Variants in ZDHHC5 observed in about 807,000 individuals in gnomAD.
ZDHHC5 encodes palmitoyltransferase ZDHHC5.
Under a neutral mutation model 70.0 loss-of-function variants are expected in ZDHHC5, and 22 were observed. The observed-to-expected ratio is 0.31, with a 90% confidence interval of 0.22 to 0.45. ZDHHC5 has a LOEUF of 0.45. Among genes scored for constraint, ZDHHC5 ranks in the 20% least tolerant of loss-of-function variants. The probability of loss-of-function intolerance (pLI) is 1.00; values close to 1 mark genes in which losing one functional copy is unlikely to be tolerated. For synonymous variants in ZDHHC5, 313 were observed against 347.8 expected, an observed-to-expected ratio of 0.90 and a Z score of 1.11; for missense variants, 746 against 926.9, an observed-to-expected ratio of 0.80 and a Z score of 2.53.
At chr11:57,669,818 A>G (rs1198014131) in intron 1 of ZDHHC5, among the ~76,000 whole-genome samples, 1 of 152,206 alleles carries the variant, frequency 6.6e-6, no homozygotes, top group African/African-American at 2.4e-5. Context: ...GTTGACTCTG[A>G]TGAACCATAC....
chr11:57,679,714 G>A (rs1242314648), intron 2 of ZDHHC5, among the ~76,000 whole-genome samples: 1 of 152,036 alleles, frequency 6.6e-6, no homozygotes, highest in Non-Finnish European at 1.5e-5. Context: ...CAGGCCACTT[G>A]GGGTGGTCAC....
intron 3 of ZDHHC5, among the ~76,000 whole-genome samples, chr11:57,687,480 A>C (rs1946221924): frequency 6.6e-6 from 1 of 152,058 alleles, no homozygotes; most frequent in Admixed American, 6.6e-5. Flanking sequence ...CTGAGACAGA[A>C]GTATCACTTG....
intron 10 of ZDHHC5, 111 bp downstream of exon 10, chr11:57,696,984 C>T (rs1946361223): frequency 5.5e-6 from 6 of 1,099,424 alleles, no homozygotes; most frequent in Admixed American, 4.0e-5. Flanking sequence ...ATCACAAGGT[C>T]AAGAGATTGA....
chr11:57,700,142 C>A lies in ZDHHC5; in HGVS notation c.*111C>A. On this transcript the variant is annotated 3_prime_UTR_variant, in exon 12 of 12. Coordinates refer to ENST00000287169, the MANE Select transcript of ZDHHC5 (RefSeq NM_015457.3). ...CTCCCGTGCATGGACATTTTTTAAA[C>A]CACCGATTCCAAGAGGATGAGGAGT... is the stretch of plus-strand genomic sequence containing the variant. The A allele has an allele frequency of 7.5e-7, 1 of 1,338,414 alleles. No individual in the cohort carries two copies. Among genetic ancestry groups the A allele is most frequent in the Non-Finnish European group, 1.0e-6 (1 of 1,003,802 alleles). The allele number at this position is 1,338,414 out of a possible 1,614,324, so 82.9% of individuals were successfully genotyped here.
At chr11:57,696,723 C>G in intron 9 of ZDHHC5, 38 bp from the exon 10 acceptor site, 1 of 1,594,472 alleles carries the variant, frequency 6.3e-7, no homozygotes, top group Non-Finnish European at 8.6e-7. Context: ...CAAAAAACCG[C>G]TTGTAAAATA....
intron 4 of ZDHHC5, among the ~76,000 whole-genome samples, chr11:57,689,255 C>T (rs1447666865): frequency 6.6e-6 from 1 of 152,206 alleles, no homozygotes; most frequent in Non-Finnish European, 1.5e-5. Context: ...AATCTTCCTT[C>T]TAATCCTCTT....
chr11:57,695,297 G>A (rs1304055909), intron 8 of ZDHHC5, among the ~76,000 whole-genome samples: 3 of 152,018 alleles, frequency 2.0e-5, no homozygotes, highest in African/African-American at 7.2e-5. Context: ...GCACATGCCT[G>A]TAATCCTAGC....
At chr11:57,677,150 T>G (rs958867489) in intron 2 of ZDHHC5, among the ~76,000 whole-genome samples, 1 of 151,562 alleles carries the variant, frequency 6.6e-6, no homozygotes, top group East Asian at 2.0e-4. Context: ...CGTGATCTCC[T>G]GGCCTCGTGA....
At chr11:57,696,135 G>C in intron 9 of ZDHHC5, 92 bp downstream of exon 9, 1 of 1,498,440 alleles carries the variant, frequency 6.7e-7, no homozygotes, top group Middle Eastern at 1.8e-4. Context: ...AGGGCTGGGA[G>C]ATATTACTCG....
chr11:57,696,377 A>G (rs1199543973), intron 9 of ZDHHC5, among the ~76,000 whole-genome samples: 1 of 152,142 alleles, frequency 6.6e-6, no homozygotes, highest in African/African-American at 2.4e-5. Context: ...ATCTATTCCT[A>G]CCTTGTCCTC....
At position 57,699,906 on chromosome 11, in the gene ZDHHC5, G is replaced by C; in HGVS notation, c.2023G>C (p.Gly675Arg). The C allele has an allele frequency of 6.2e-7, 1 of 1,614,206 alleles. No homozygotes were observed. The highest frequency in any genetic ancestry group is 8.5e-7 in the Non-Finnish European group (1 of 1,180,044). The change falls in exon 12 of 12, where the codon GGG (glycine) becomes CGG (arginine). Residue 675 changes from glycine (G) to arginine (R), a missense_variant. By Grantham distance (125) the Gly-to-Arg change is moderately radical (BLOSUM62 -2). Around this residue, in one of 6 missense-constraint regions of ZDHHC5, gnomAD observed 340 missense variants for 350.1 expected, o/e 0.97. Coordinates refer to ENST00000287169, the MANE Select transcript of ZDHHC5 (RefSeq NM_015457.3). ...GAAGACCACCTACAGCAAATCCAACGGGCAGCCCAAGAGCTTAGGCTCAGC... is the reference window on the plus strand; with the variant it reads ...GAAGACCACCTACAGCAAATCCAACCGGCAGCCCAAGAGCTTAGGCTCAGC... Reference protein sequence around the residue: ...QLKTTYSKSNGQPKSLGSASP... With the variant: ...QLKTTYSKSNRQPKSLGSASP...
At chr11:57,683,629 C>A (rs1304323362) in intron 3 of ZDHHC5, among the ~76,000 whole-genome samples, 1 of 152,184 alleles carries the variant, frequency 6.6e-6, no homozygotes, top group South Asian at 2.1e-4. Context: ...CAGATAGTTA[C>A]CCAGTGGGCA....
chr11:57,674,873 C>T (rs1395679369), intron 2 of ZDHHC5, among the ~76,000 whole-genome samples: 1 of 152,248 alleles, frequency 6.6e-6, no homozygotes, highest in East Asian at 1.9e-4. Flanking sequence ...TGGCCCCCAG[C>T]TCTGAGCTTG....
At chr11:57,693,707 A>G (rs915506576) in intron 7 of ZDHHC5, 76 bp from the exon 8 acceptor site, 1 of 1,446,744 alleles carries the variant, frequency 6.9e-7, no homozygotes, top group Non-Finnish European at 9.1e-7. Flanking sequence ...GTTTACAGAA[A>G]CAGTAGATAC....
At chr11:57,688,833 AGCATAAATATTATT>A (rs1220953196) in intron 4 of ZDHHC5, among the ~76,000 whole-genome samples, 168 bp downstream of exon 4, 1 of 152,262 alleles carries the variant, frequency 6.6e-6, no homozygotes, top group African/African-American at 2.4e-5. Flanking sequence ...TGAGAGGCAG[AGCATAAATATTATT>A]GCAGGAGGGA....
In ZDHHC5 at chr11:57,673,012, C is replaced by T. The variant is rs1423520819; in HGVS notation, c.-79C>T. 4 of 1,357,408 alleles carry T rather than the reference C, an allele frequency of 2.9e-6. No individual in the cohort carries two copies. The highest frequency in any genetic ancestry group is 4.2e-6 in the Non-Finnish European group (4 of 951,876). The allele number at this position is 1,357,408 out of a possible 1,614,324, so 84.1% of individuals were successfully genotyped here. A position where few individuals can be genotyped will look rare whatever the true frequency, so the allele number is the denominator to read the frequency against. The stretch of plus-strand genomic sequence containing the variant: ...TTGTACTCCTCTCTGTTGCTTCCCT[C>T]CTCCCATTTTCTTGTCTGTTCTGCC... On this transcript the variant is annotated 5_prime_UTR_variant, in exon 2 of 12. Coordinates refer to ENST00000287169, the MANE Select transcript of ZDHHC5 (RefSeq NM_015457.3).
At chr11:57,699,444 T>C in intron 11 of ZDHHC5, 26 bp downstream of exon 11, 1 of 1,522,984 alleles carries the variant, frequency 6.6e-7, no homozygotes, top group Non-Finnish European at 8.8e-7. Context: ...ATCCTGACCC[T>C]TAGCCAATTT....
At chr11:57,691,229 G>A (rs568550574) in intron 6 of ZDHHC5, among the ~76,000 whole-genome samples, 1 of 152,098 alleles carries the variant, frequency 6.6e-6, no homozygotes, top group East Asian at 1.9e-4. Flanking sequence ...GCATCACCAC[G>A]CCCAACTAAT....
chr11:57,693,803 A>C lies in ZDHHC5; in HGVS notation c.773A>C (p.Lys258Thr), dbSNP rs1225609539. The stretch of plus-strand genomic sequence containing the variant: ...CTTAGGTATTTGGGGAGACCAAAGA[A>C]AGAGAAGACAATTGTAATCAGACCT... ...PAPRYLGRPKKEKTIVIRPPF... is the reference protein window; with the variant it reads ...PAPRYLGRPKTEKTIVIRPPF... The change falls in exon 8 of 12, where the codon AAA becomes ACA. Residue 258 changes from lysine to threonine, a missense_variant. Lys to Thr is a moderately conservative substitution (Grantham distance 78, BLOSUM62 -1). Transcript: ENST00000287169. 1.3e-6 allele frequency: 2 copies of C among 1,576,192 alleles called. No individual in the cohort carries two copies. The highest frequency in any genetic ancestry group is 2.7e-5 in the African/African-American group (2 of 73,668).
Sources: allele counts gnomAD v4.1 joint callset (sites outside exome capture counted in the v4.1 genomes callset), GRCh38; gene constraint gnomAD v4.1.1; regional missense constraint gnomAD v4.1.1; transcripts MANE v1.5; gene names NCBI Gene and HGNC (gene_info 2026-07-23, HGNC 2026-07-21).